Variants in AHCYL2 observed in about 807,000 individuals in gnomAD.
AHCYL2 encodes the protein adenosylhomocysteinase like 2, also known as S-adenosylhomocysteine hydrolase-like protein 2.
Under a neutral mutation model 81.4 loss-of-function variants are expected in AHCYL2, and 28 were observed. The observed-to-expected ratio is 0.34, with a 90% confidence interval of 0.25 to 0.47. AHCYL2 has a LOEUF of 0.47. Ranked by LOEUF, AHCYL2 falls within the 20% of genes least tolerant of loss-of-function variation. The pLI, the probability that AHCYL2 is intolerant of heterozygous loss-of-function variation, is 1.00. For synonymous variants in AHCYL2, 272 were observed against 290.2 expected, an observed-to-expected ratio of 0.94 and a Z score of 0.64; for missense variants, 551 against 785.1, an observed-to-expected ratio of 0.70 and a Z score of 3.56.
intron 1 of AHCYL2, among the ~76,000 whole-genome samples, chr7:129,295,303 A>G (rs192185662): frequency 1.3e-5 from 2 of 152,362 alleles, no homozygotes; most frequent in Admixed American, 6.5e-5. Context: ...TAAATTCTCT[A>G]TGATTAAGGT....
intron 1 of AHCYL2, among the ~76,000 whole-genome samples, chr7:129,265,859 G>A (rs1795795175): frequency 6.6e-6 from 1 of 152,208 alleles, no homozygotes; most frequent in Non-Finnish European, 1.5e-5. Context: ...AGAGACGATA[G>A]TAGTTTGGAG....
intron 1 of AHCYL2, among the ~76,000 whole-genome samples, chr7:129,302,702 G>A (rs1394677660): frequency 6.6e-6 from 1 of 152,064 alleles, no homozygotes; most frequent in African/African-American, 2.4e-5. Flanking sequence ...ATATCCTTGG[G>A]ATACATCTCA....
At chr7:129,382,344 A>G (rs962364402) in intron 2 of AHCYL2, among the ~76,000 whole-genome samples, 3 of 152,230 alleles carry the variant, frequency 2.0e-5, no homozygotes, top group African/African-American at 4.8e-5. Flanking sequence ...TCATGCCTGT[A>G]ATTCCAGCAA....
chr7:129,366,609 TCTA>T (rs1247914075), intron 1 of AHCYL2, among the ~76,000 whole-genome samples: 1 of 152,004 alleles, frequency 6.6e-6, no homozygotes, highest in Non-Finnish European at 1.5e-5. Context: ...CGAAACCCTG[TCTA>T]CTAAAAATAC....
chr7:129,358,535 C>T (rs1326726284), intron 1 of AHCYL2, among the ~76,000 whole-genome samples: 1 of 152,086 alleles, frequency 6.6e-6, no homozygotes, highest in Non-Finnish European at 1.5e-5. Context: ...ATGAGTTACC[C>T]AATGTAGTCA....
intron 10 of AHCYL2, among the ~76,000 whole-genome samples, chr7:129,408,685 A>C (rs1796416975): frequency 6.6e-6 from 1 of 152,250 alleles, no homozygotes; most frequent in Non-Finnish European, 1.5e-5. Context: ...GCCATCTATC[A>C]GCAGTCATTT....
intron 1 of AHCYL2, among the ~76,000 whole-genome samples, chr7:129,246,567 G>A (rs1246703268): frequency 6.6e-6 from 1 of 152,080 alleles, no homozygotes; most frequent in Non-Finnish European, 1.5e-5. Context: ...CTGTGAACTC[G>A]GCTCACTGTG....
chr7:129,270,686 A>T (rs752754854), intron 1 of AHCYL2, among the ~76,000 whole-genome samples: 1 of 152,206 alleles, frequency 6.6e-6, no homozygotes, highest in Non-Finnish European at 1.5e-5. Context: ...TAACAACCAC[A>T]TGGGAATAAG....
intron 2 of AHCYL2, among the ~76,000 whole-genome samples, chr7:129,388,549 C>T (rs779904754): frequency 2.0e-5 from 3 of 152,146 alleles, no homozygotes; most frequent in Admixed American, 6.5e-5. Context: ...TCATCAGAGT[C>T]CGTCTTAAAA....
At chr7:129,364,501 G>A (rs1794038028) in intron 1 of AHCYL2, among the ~76,000 whole-genome samples, 1 of 152,124 alleles carries the variant, frequency 6.6e-6, no homozygotes, top group Non-Finnish European at 1.5e-5. Context: ...ACATTCACCA[G>A]GCTGGTCTCG....
chr7:129,246,615 A>T (rs1367645833), intron 1 of AHCYL2, among the ~76,000 whole-genome samples: 1 of 151,706 alleles, frequency 6.6e-6, no homozygotes, highest in African/African-American at 2.4e-5. Context: ...TTCTCATCTC[A>T]CCTTCCAAGT....
chr7:129,296,256 G>GA (rs1408688366), intron 1 of AHCYL2, among the ~76,000 whole-genome samples: 1 of 152,224 alleles, frequency 6.6e-6, no homozygotes, highest in African/African-American at 2.4e-5. Context: ...GAGTAGAAGA[G>GA]AGGTTGCATA....
At chr7:129,410,840 A>G (rs1796534625) in intron 11 of AHCYL2, among the ~76,000 whole-genome samples, 1 of 151,286 alleles carries the variant, frequency 6.6e-6, no homozygotes, top group Non-Finnish European at 1.5e-5. Flanking sequence ...CAGACAGAAT[A>G]AAAAAAAATT....
intron 4 of AHCYL2, among the ~76,000 whole-genome samples, chr7:129,395,765 G>A (rs948864863): frequency 6.6e-6 from 1 of 152,180 alleles, no homozygotes; most frequent in Non-Finnish European, 1.5e-5. Flanking sequence ...TGAGCACTGG[G>A]TGGAAGCCTC....
At chr7:129,300,074 A>G (rs1393565077) in intron 1 of AHCYL2, among the ~76,000 whole-genome samples, 2 of 152,182 alleles carry the variant, frequency 1.3e-5, no homozygotes, top group African/African-American at 4.8e-5. Context: ...TGATACAGGC[A>G]TATGTTGCGC....
Position 129,389,642 on chromosome 7 carries a change from G to A in AHCYL2, c.628G>A (p.Ala210Thr). Reference sequence around the variant, plus strand: ...TTATTGGGCCTTTTCAGAAATGCCTGCATTGATGGCTTTGAGGAAGAGAGC... The same window carrying A: ...TTATTGGGCCTTTTCAGAAATGCCTACATTGATGGCTTTGAGGAAGAGAGC... Reference protein sequence around the residue: ...EIEIAEQEMPALMALRKRAQG... With the variant: ...EIEIAEQEMPTLMALRKRAQG... Residue 210 changes from alanine to threonine, a missense_variant, in exon 4 of 17, where the codon GCA (alanine) becomes ACA (threonine). Around this residue, in one of 2 missense-constraint regions of AHCYL2, gnomAD observed 316 missense variants for 543.1 expected, o/e 0.58. Transcript: ENST00000325006. 6.2e-7 allele frequency: 1 copy of A among 1,612,426 alleles called. No homozygotes were observed. The highest frequency in any genetic ancestry group is 1.1e-5 in the South Asian group (1 of 90,768).
intron 1 of AHCYL2, among the ~76,000 whole-genome samples, chr7:129,243,953 CTTATTTTATTTTATT>C (rs377750922): frequency 4.0e-5 from 6 of 151,396 alleles, no homozygotes; most frequent in African/African-American, 1.5e-4. Context: ...AGATAGTGAT[CTTATTTTATTTTATT>C]TTATTTTATT....
chr7:129,265,411 A>G (rs1011928291), intron 1 of AHCYL2, among the ~76,000 whole-genome samples: 8 of 152,328 alleles, frequency 5.3e-5, no homozygotes, highest in Middle Eastern at 3.4e-3. Context: ...GGTGGCAGTA[A>G]CTAGGGAAAG....
At chr7:129,247,662 A>G (rs1429036828) in intron 1 of AHCYL2, among the ~76,000 whole-genome samples, 1 of 151,888 alleles carries the variant, frequency 6.6e-6, no homozygotes, top group South Asian at 2.1e-4. Context: ...GTGCAGTAGC[A>G]TGATCATGGC....
Sources: gnomAD v4.1 joint callset for allele counts (sites outside exome capture counted in the v4.1 genomes callset) on GRCh38, gnomAD v4.1.1 for gene constraint, gnomAD v4.1.1 regional missense constraint, MANE v1.5 for transcripts, NCBI Gene and HGNC (gene_info 2026-07-23, HGNC 2026-07-21) for gene names.